FBN2: variants seen among roughly 807,000 people sequenced by gnomAD.
The protein encoded by FBN2 is fibrillin-2.
FBN2 carries 105 observed loss-of-function variants against 355.6 expected under a neutral mutation model. The ratio of observed to expected loss-of-function variants is 0.30; its 90% CI spans 0.25 to 0.35. The LOEUF is 0.35. Among genes scored for constraint, FBN2 ranks in the 10% least tolerant of loss-of-function variants. FBN2 has a pLI of 1.00. For missense variants in FBN2, 3,280 were observed against 3,758.7 expected (o/e 0.87, Z 3.33); for synonymous variants, 1,350 against 1,301.2 (o/e 1.04, Z -0.81).
Position 128,277,891 on chromosome 5 carries a change from G to T in FBN2, c.7460C>A (p.Thr2487Asn). 6.2e-7 allele frequency: 1 copy of T among 1,614,106 alleles called. No homozygotes were observed. Among genetic ancestry groups the T allele is most frequent in the Non-Finnish European group, 8.5e-7 (1 of 1,180,006 alleles). ...KVGYTTDISG[T>N]SCIDLDECSQ... ...GTGCCCATCGTTACCTATACAAGAG[G>T]TTCCACTGATGTCTGTGGTGTAGCC... The change falls in exon 58 of 65, where the codon ACC becomes AAC. Residue 2487 changes from threonine to asparagine, a missense_variant. Thr to Asn is a moderately conservative substitution (Grantham distance 65). This residue lies in a region of FBN2 where 2,284 missense variants were observed against 2,749.5 expected (regional missense o/e 0.83). Transcript: ENST00000262464.
chr5:128,537,290 C>T (rs879369708), intron 1 of FBN2, 60 bp downstream of exon 1: 15 of 1,599,702 alleles, frequency 9.4e-6, no homozygotes, highest in Admixed American at 8.4e-5. Context: ...AGCCGCCAAA[C>T]TGAGGATTCC....
At chr5:128,441,228 G>T (rs901581397) in intron 7 of FBN2, among the ~76,000 whole-genome samples, 1 of 152,146 alleles carries the variant, frequency 6.6e-6, no homozygotes, top group Non-Finnish European at 1.5e-5. Flanking sequence ...AGCCTTGGTA[G>T]ATTCTGGCCA....
chr5:128,535,311 T>C (rs1227826392), intron 2 of FBN2, among the ~76,000 whole-genome samples: 1 of 151,528 alleles, frequency 6.6e-6, no homozygotes, highest in Non-Finnish European at 1.5e-5. Context: ...ATTAAGCATC[T>C]ATCTCAAAAC....
intron 11 of FBN2, among the ~76,000 whole-genome samples, chr5:128,389,923 G>A (rs1356591027): frequency 6.6e-6 from 1 of 152,102 alleles, no homozygotes; most frequent in Non-Finnish European, 1.5e-5. Context: ...CTCAGAGTGT[G>A]CCAGTCTTCT....
chr5:128,531,954 A>G (rs557852624), intron 2 of FBN2, among the ~76,000 whole-genome samples: 1 of 152,270 alleles, frequency 6.6e-6, no homozygotes, highest in South Asian at 2.1e-4. Flanking sequence ...GAGAGTTTAA[A>G]ATGCAGAATT....
At chr5:128,364,078 C>A (rs1298197748) in intron 18 of FBN2, among the ~76,000 whole-genome samples, 2 of 152,134 alleles carry the variant, frequency 1.3e-5, no homozygotes, top group Admixed American at 6.5e-5. Flanking sequence ...GACTGTCAAA[C>A]CTTTTCATCC....
At chr5:128,392,237 T>C in intron 10 of FBN2, 82 bp from the exon 11 acceptor site, 3 of 1,209,608 alleles carry the variant, frequency 2.5e-6, no homozygotes, top group Admixed American at 1.7e-5. Context: ...GGACATTTAA[T>C]AGTAAATTAA....
intron 4 of FBN2, among the ~76,000 whole-genome samples, chr5:128,521,684 G>A (rs1756437688): frequency 6.6e-6 from 1 of 152,192 alleles, no homozygotes; most frequent in Non-Finnish European, 1.5e-5. Context: ...ACTTTCCCAT[G>A]TGTTCTCTTA....
At chr5:128,473,502 A>G (rs1325545685) in intron 5 of FBN2, among the ~76,000 whole-genome samples, 1 of 152,218 alleles carries the variant, frequency 6.6e-6, no homozygotes, top group Non-Finnish European at 1.5e-5. Context: ...TACATGGTGA[A>G]TCACAGAGCT....
intron 5 of FBN2, among the ~76,000 whole-genome samples, chr5:128,470,686 A>T (rs1373940889): frequency 6.6e-6 from 1 of 152,206 alleles, no homozygotes; most frequent in Non-Finnish European, 1.5e-5. Context: ...AATGAAAGAA[A>T]GCAGTGAGAT....
At chr5:128,400,190 AC>A (rs1752760458) in intron 8 of FBN2, among the ~76,000 whole-genome samples, 1 of 152,006 alleles carries the variant, frequency 6.6e-6, no homozygotes, top group Non-Finnish European at 1.5e-5. Context: ...GTGATACAAA[AC>A]AAACCAGAGT....
At chr5:128,451,557 C>T (rs1053691735) in intron 6 of FBN2, among the ~76,000 whole-genome samples, 1 of 152,108 alleles carries the variant, frequency 6.6e-6, no homozygotes, top group African/African-American at 2.4e-5. Flanking sequence ...TGAGACACCT[C>T]ATCCGGCTAA....
rs779540232 is a variant in FBN2, at chr5:128,286,850, C to A, written c.6881-1G>T. On this transcript the variant is annotated splice_acceptor_variant, in intron 54 of 64. Transcript: ENST00000262464. LOFTEE classifies it high-confidence loss of function. The stretch of plus-strand genomic sequence containing the variant: ...AACCCTTCAGCACATTCATCCAGAT[C>A]TAGAACAAAAAATAAAAATTAAAAA... 1 of 1,613,888 alleles carries A rather than the reference C, an allele frequency of 6.2e-7. No homozygotes were observed.
intron 27 of FBN2, among the ~76,000 whole-genome samples, chr5:128,336,956 T>C (rs931958363): frequency 2.6e-5 from 4 of 152,218 alleles, no homozygotes; most frequent in African/African-American, 9.6e-5. Context: ...TTATGATCAC[T>C]AAGTGTATAT....
intron 8 of FBN2, among the ~76,000 whole-genome samples, chr5:128,404,517 G>A (rs1330791231): frequency 6.6e-6 from 1 of 152,200 alleles, no homozygotes; most frequent in Non-Finnish European, 1.5e-5. Flanking sequence ...TCAGTGGCAC[G>A]ACATCATGTC....
At chr5:128,304,857 T>C in intron 45 of FBN2, 100 bp downstream of exon 45, 1 of 1,472,520 alleles carries the variant, frequency 6.8e-7, no homozygotes, top group Non-Finnish European at 9.5e-7. Flanking sequence ...AGATTGTTTC[T>C]GACAGAGACA....
In FBN2 at chr5:128,327,552, T is replaced by C. The variant is rs114676621; in HGVS notation, c.4471+1144A>G. Reference sequence around the variant, plus strand: ...GTTTTTAATATGTTTCATTTTATCATTTTTGCTCAGCAGTTAGGTATTTTT... The same window carrying C: ...GTTTTTAATATGTTTCATTTTATCACTTTTGCTCAGCAGTTAGGTATTTTT... On this transcript the variant is annotated intron_variant, in intron 34 of 64. Coordinates refer to ENST00000262464, the MANE Select transcript of FBN2 (RefSeq NM_001999.4). Among the ~76,000 whole-genome samples the C allele has an allele frequency of 7.4e-3, 1,098 of 148,136 alleles. 11 individuals carry two copies. Among genetic ancestry groups the C allele is most frequent in the African/African-American group, 0.025 (1,028 of 40,632 alleles).
chr5:128,436,665 T>TAAA (rs1561456077), intron 7 of FBN2, among the ~76,000 whole-genome samples: 4 of 138,614 alleles, frequency 2.9e-5, no homozygotes, highest in Non-Finnish European at 4.7e-5. Context: ...GTGGCTCCAC[T>TAAA]TAAAAAAAAA....
intron 5 of FBN2, among the ~76,000 whole-genome samples, chr5:128,498,146 C>G (rs1468909843): frequency 6.6e-6 from 1 of 152,164 alleles, no homozygotes; most frequent in Non-Finnish European, 1.5e-5. Context: ...AAAGAGATGA[C>G]CATTCAAACC....
Sources: gnomAD v4.1 joint callset for allele counts (sites outside exome capture counted in the v4.1 genomes callset) on GRCh38, gnomAD v4.1.1 for gene constraint, gnomAD v4.1.1 regional missense constraint, MANE v1.5 for transcripts, NCBI Gene and HGNC (gene_info 2026-07-23, HGNC 2026-07-21) for gene names.